Variants in ELK4 observed in about 807,000 individuals in gnomAD.
ELK4 encodes ETS transcription factor ELK4, also known as ETS domain-containing protein Elk-4.
ELK4 carries 16 observed loss-of-function variants against 29.6 expected under a neutral mutation model. The observed-to-expected ratio is 0.54, with a 90% CI of 0.37 to 0.82. The LOEUF is 0.82. Among genes scored for constraint, ELK4 ranks in the 40% least tolerant of loss-of-function variants. The pLI, the probability that ELK4 is intolerant of heterozygous loss-of-function variation, is 0.00. For missense variants in ELK4, 465 were observed against 507.1 expected, an observed-to-expected ratio of 0.92 and a Z score of 0.80; for synonymous variants, 213 against 191.1, an observed-to-expected ratio of 1.11 and a Z score of -0.95.
rs1670303484 is a variant in ELK4, at chr1:205,620,047, G to A, written c.999C>T (p.Ile333=). The change falls in exon 3 of 5, where the codon ATC becomes ATT. Residue 333 remains isoleucine (I), a synonymous_variant. Transcript: ENST00000357992. ...CCAGTGGGCTTGGATCACTGCTCGT[G>A]ATCACAAGGGTGGGTGCCAGTTCTA... is the stretch of plus-strand genomic sequence containing the variant. ...KGLELAPTLV[I]TSSDPSPLGI... 1 of 1,614,254 alleles carries A rather than the reference G, an allele frequency of 6.2e-7. No individual in the cohort carries two copies.
At chr1:205,629,574 G>C (rs940824383) in intron 1 of ELK4, among the ~76,000 whole-genome samples, 64 of 151,944 alleles carry the variant, frequency 4.2e-4, no homozygotes, top group Non-Finnish European at 8.7e-4. Flanking sequence ...AAAATTACCT[G>C]GGCGTGGTGG....
rs1313857826 is a variant in ELK4, at chr1:205,612,361, T to C, written c.*4185A>G. 1.4e-5 allele frequency: 3 copies of C among 215,874 alleles called. No homozygotes were observed. The highest frequency in any genetic ancestry group is 2.8e-5 in the Non-Finnish European group (3 of 107,318). 13.4% of individuals were successfully genotyped at this position (215,874 alleles called of 1,614,324 possible). On this transcript the variant is annotated 3_prime_UTR_variant, in exon 5 of 5. Coordinates refer to ENST00000357992, the MANE Select transcript of ELK4 (RefSeq NM_001973.4). ...GGGTGCACAAGACAACCAACTGGGG[T>C]GTGGGAAGAAAATACTATAACTGCT...
At position 205,615,390 on chromosome 1, in the gene ELK4, C is replaced by CCA. The variant is rs1670215724; in HGVS notation, c.*1155_*1156insTG. The CCA allele has an allele frequency of 1.9e-5, 1 of 53,192 alleles. No homozygotes were observed. The highest frequency in any genetic ancestry group is 3.5e-5 in the Non-Finnish European group (1 of 28,648). The allele number at this position is 53,192 out of a possible 1,614,324, so 3.3% of individuals were successfully genotyped here. On this transcript the variant is annotated 3_prime_UTR_variant, in exon 5 of 5. Coordinates refer to ENST00000357992, the MANE Select transcript of ELK4 (RefSeq NM_001973.4). ...TGGGTGATAGAGCAAGACTCTGTCTCAAAAAAAAAAAAAAAAAAAAAAAAA... is the reference window on the plus strand; with the variant it reads ...TGGGTGATAGAGCAAGACTCTGTCTCCAAAAAAAAAAAAAAAAAAAAAAAAAA...
In ELK4 at chr1:205,620,271, G is replaced by A. The variant is rs955420352; in HGVS notation, c.775C>T (p.Pro259Ser). 1.2e-6 allele frequency: 2 copies of A among 1,614,100 alleles called. No individual in the cohort carries two copies. The highest frequency in any genetic ancestry group is 1.7e-5 in the Admixed American group (1 of 60,008). ...FATTPPISSIPPLQEPPRTPS... is the reference protein window; with the variant it reads ...FATTPPISSISPLQEPPRTPS... The stretch of plus-strand genomic sequence containing the variant: ...GTTCTGGGAGGTTCCTGCAAAGGGG[G>A]TATGGACGAAATGGGTGGTGTGGTG... The change falls in exon 3 of 5, where the codon CCC becomes TCC. Residue 259 changes from proline (P) to serine (S), a missense_variant. By Grantham distance (74) the Pro-to-Ser change is moderately conservative (BLOSUM62 -1). Transcript: ENST00000357992.
rs1297587181 is a variant in ELK4, at chr1:205,615,879, G to C, written c.*667C>G. ...GACTAGCTCCATGCTCTGTTGACAG[G>C]TTCAGACAGGATCATACATATGGCT... is the stretch of plus-strand genomic sequence containing the variant. On this transcript the variant is annotated 3_prime_UTR_variant, in exon 5 of 5. Transcript: ENST00000357992. 4.7e-6 allele frequency: 1 copy of C among 213,920 alleles called. No individual in the cohort carries two copies. The highest frequency in any genetic ancestry group is 9.4e-6 in the Non-Finnish European group (1 of 105,958). The allele number at this position is 213,920 out of a possible 1,614,324, so 13.3% of individuals were successfully genotyped here.
chr1:205,627,261 G>A (rs1185011720), intron 1 of ELK4, among the ~76,000 whole-genome samples: 3 of 152,182 alleles, frequency 2.0e-5, no homozygotes, highest in Non-Finnish European at 2.9e-5. Context: ...TGTAATCCCA[G>A]CACTTTGGGA....
chr1:205,627,308 G>C (rs1348149626), intron 1 of ELK4, among the ~76,000 whole-genome samples: 1 of 152,062 alleles, frequency 6.6e-6, no homozygotes, highest in Non-Finnish European at 1.5e-5. Flanking sequence ...AGAAGATCGA[G>C]ACCATCCTGT....
rs922014532 is a variant in ELK4 at position 205,631,878 on chromosome 1, C to T, written c.-256G>A. On this transcript the variant is annotated 5_prime_UTR_variant, in exon 1 of 5. Coordinates refer to ENST00000357992, the MANE Select transcript of ELK4 (RefSeq NM_001973.4). ...GCCCCCGCACGCGGCAGCGGCGGCGCGGGTCTTGGGGCCGCTACACGCCGG... is the reference window on the plus strand; with the variant it reads ...GCCCCCGCACGCGGCAGCGGCGGCGTGGGTCTTGGGGCCGCTACACGCCGG... 1.3e-5 allele frequency: 2 copies of T among 148,790 alleles called. No homozygotes were observed. Among genetic ancestry groups the T allele is most frequent in the African/African-American group, 2.4e-5 (1 of 41,020 alleles). 9.2% of individuals were successfully genotyped at this position (148,790 alleles called of 1,614,324 possible).
Position 205,625,679 on chromosome 1 carries a change from C to CTT in ELK4, c.-9-1790_-9-1789dup, listed in dbSNP as rs368266464. On this transcript the variant is annotated intron_variant, in intron 1 of 4. Transcript: ENST00000357992. ...CTGGTCAGTTCTGCTGCTGCTGCTT[C>CTT]TTTTTTTTTTTTTTTGTGAGATGGA... The CTT allele has an allele frequency of 2.4e-3, 1,695 of 691,928 alleles. 3 individuals are homozygous for CTT. Among genetic ancestry groups the CTT allele is most frequent in the African/African-American group, 0.014 (761 of 52,748 alleles). 42.9% of individuals were successfully genotyped at this position (691,928 alleles called of 1,614,324 possible). A position where few individuals can be genotyped will look rare whatever the true frequency, so the allele number is the denominator to read the frequency against.
chr1:205,612,618 G>A lies in ELK4; in HGVS notation c.*3928C>T, dbSNP rs1670169260. 4.7e-6 allele frequency: 1 copy of A among 210,984 alleles called. No homozygotes were observed. The highest frequency in any genetic ancestry group is 5.9e-5 in the Admixed American group (1 of 17,002). The allele number at this position is 210,984 out of a possible 1,614,324, so 13.1% of individuals were successfully genotyped here. A position where few individuals can be genotyped will look rare whatever the true frequency, so the allele number is the denominator to read the frequency against. ...GAGGTATTGAGAAGTGGTACTGAGT[G>A]GCTCTAAATGTGCTTACATTCACCA... On this transcript the variant is annotated 3_prime_UTR_variant, in exon 5 of 5. Transcript: ENST00000357992.
At position 205,612,002 on chromosome 1, in the gene ELK4, A is replaced by T. The variant is rs190562773; in HGVS notation, c.*4544T>A. 1.8e-3 allele frequency: 343 copies of T among 188,122 alleles called. 2 individuals carry two copies. The highest frequency in any genetic ancestry group is 1.7e-3 in the Non-Finnish European group (148 of 89,266). 11.7% of individuals were successfully genotyped at this position (188,122 alleles called of 1,614,324 possible). A position where few individuals can be genotyped will look rare whatever the true frequency, so the allele number is the denominator to read the frequency against. On this transcript the variant is annotated 3_prime_UTR_variant, in exon 5 of 5. Coordinates refer to ENST00000357992, the MANE Select transcript of ELK4 (RefSeq NM_001973.4). Reference sequence around the variant, plus strand: ...CATAAAGCAACTTGAAATAATTCTAAATTTGTTGGTAAAATATAACATAAG... The same window carrying T: ...CATAAAGCAACTTGAAATAATTCTATATTTGTTGGTAAAATATAACATAAG...
rs1274821588 is a variant in ELK4 at position 205,613,965 on chromosome 1, C to G, written c.*2581G>C. 1 of 222,374 alleles carries G rather than the reference C, an allele frequency of 4.5e-6. No individual in the cohort carries two copies. The highest frequency in any genetic ancestry group is 9.0e-6 in the Non-Finnish European group (1 of 111,212). 13.8% of individuals were successfully genotyped at this position (222,374 alleles called of 1,614,324 possible). On this transcript the variant is annotated 3_prime_UTR_variant, in exon 5 of 5. Transcript: ENST00000357992. ...TGCATATATTCAACAGAATATGAAGCTGAGACTTTTCCAGGAAGGAGGTAG... is the reference window on the plus strand; with the variant it reads ...TGCATATATTCAACAGAATATGAAGGTGAGACTTTTCCAGGAAGGAGGTAG...
chr1:205,628,453 CGT>C (rs1670508258), intron 1 of ELK4, among the ~76,000 whole-genome samples: 1 of 152,144 alleles, frequency 6.6e-6, no homozygotes, highest in Admixed American at 6.5e-5. Context: ...TGAATCCATT[CGT>C]GAGATGATGA....
chr1:205,620,757 T>G lies in ELK4; in HGVS notation c.289A>C (p.Thr97Pro), dbSNP rs747986207. Residue 97 changes from threonine (T) to proline (P), a missense_variant, in exon 3 of 5, where the codon ACA (threonine) becomes CCA (proline). Thr to Pro is a conservative substitution (Grantham distance 38). Coordinates refer to ENST00000357992, the MANE Select transcript of ELK4 (RefSeq NM_001973.4). The part of the protein sequence containing the change: ...YPEILNMDPM[T>P]VGRIEGDCES... ...CAGTCACCCTCAATCCTGCCCACTG[T>G]CATTGGATCCATGTTCAAAATCTCT... 3 of 1,614,028 alleles carry G rather than the reference T, an allele frequency of 1.9e-6. No individual in the cohort carries two copies. The African/African-American group carries it at 4.0e-5, about 22-fold the overall frequency.
chr1:205,626,038 T>C (rs558357280), intron 1 of ELK4: 13 of 1,425,346 alleles, frequency 9.1e-6, no homozygotes, highest in Middle Eastern at 4.3e-4. Flanking sequence ...TTGTTTTTCT[T>C]TGTCAACAAT....
At position 205,620,322 on chromosome 1, in the gene ELK4, C is replaced by T; in HGVS notation, c.724G>A (p.Ala242Thr). 6.2e-7 allele frequency: 1 copy of T among 1,614,148 alleles called. No individual in the cohort carries two copies. Among genetic ancestry groups the T allele is most frequent in the Non-Finnish European group, 8.5e-7 (1 of 1,180,032 alleles). Residue 242 changes from alanine (A) to threonine (T), a missense_variant, in exon 3 of 5, where the codon GCC (alanine) becomes ACC (threonine). Around this residue, in one of 2 missense-constraint regions of ELK4, gnomAD observed 385 missense variants for 387.5 expected, o/e 0.99. Transcript: ENST00000357992. ...GCAAAAGCAGTCATTACGTTAGAGG[C>T]AGAGGTTGGGGCTTCCAGGGAAGGC... The part of the protein sequence containing the change: ...KLPSLEAPTS[A>T]SNVMTAFATT...
Position 205,608,631 on chromosome 1 carries a change from T to C in ELK4, c.*7915A>G. 1 of 198,066 alleles carries C rather than the reference T, an allele frequency of 5.0e-6. No homozygotes were observed. The highest frequency in any genetic ancestry group is 1.0e-5 in the Non-Finnish European group (1 of 95,744). 12.3% of individuals were successfully genotyped at this position (198,066 alleles called of 1,614,324 possible). A position where few individuals can be genotyped will look rare whatever the true frequency, so the allele number is the denominator to read the frequency against. On this transcript the variant is annotated 3_prime_UTR_variant, in exon 5 of 5. Coordinates refer to ENST00000357992, the MANE Select transcript of ELK4 (RefSeq NM_001973.4). ...TTTTAGGTCTCCCTAATGTAAATTA[T>C]GCTGAAATCAACTAAGACGAGCTAT... is the stretch of plus-strand genomic sequence containing the variant.
intron 2 of ELK4, among the ~76,000 whole-genome samples, chr1:205,621,211 A>G (rs1051706981): frequency 5.3e-5 from 8 of 151,052 alleles, no homozygotes; most frequent in Non-Finnish European, 8.9e-5. Flanking sequence ...AAAAAAAAAA[A>G]AAAAAAAAGA....
rs1269704074 is a variant in ELK4 at position 205,626,039 on chromosome 1, T to C, written c.-9-2148A>G. On this transcript the variant is annotated intron_variant, in intron 1 of 4. Coordinates refer to ENST00000357992, the MANE Select transcript of ELK4 (RefSeq NM_001973.4). ...GAGCTGAGGATGCCTTGTTTTTCTT[T>C]GTCAACAATGTCATTCTGCCCACCA... 2.1e-6 allele frequency: 3 copies of C among 1,407,834 alleles called. No homozygotes were observed. In the East Asian group the frequency reaches 6.9e-5, roughly 32 times the overall value. The allele number at this position is 1,407,834 out of a possible 1,614,324, so 87.2% of individuals were successfully genotyped here.
Sources: gnomAD v4.1 joint callset for allele counts (sites outside exome capture counted in the v4.1 genomes callset) on GRCh38, gnomAD v4.1.1 for gene constraint, gnomAD v4.1.1 regional missense constraint, MANE v1.5 for transcripts, NCBI Gene and HGNC (gene_info 2026-07-23, HGNC 2026-07-21) for gene names.